The following WDR27 variants were observed in gnomAD, a reference collection of about 807,000 sequenced individuals.
WDR27 encodes the protein WD repeat-containing protein 27.
In WDR27, 100 loss-of-function variants were observed where a neutral mutation model predicts 114.4. That is an observed-to-expected ratio of 0.87 (90% CI 0.74 to 1.03). The LOEUF is 1.03. Ranked by LOEUF, WDR27 falls within the 50% of genes least tolerant of loss-of-function variation. The pLI, the probability that WDR27 is intolerant of heterozygous loss-of-function variation, is 0.00. For synonymous variants in WDR27, 449 were observed against 423.1 expected (o/e 1.06, Z -0.75); for missense variants, 1,129 against 1,092.9 (o/e 1.03, Z -0.47).
chr6:169,652,526 C>T (rs1460346824), intron 13 of WDR27, among the ~76,000 whole-genome samples: 1 of 152,218 alleles, frequency 6.6e-6, no homozygotes, highest in Admixed American at 6.5e-5. Context: ...GGATTACAGG[C>T]GTGAGCCACT....
At chr6:169,527,564 A>G (rs927440110) in intron 25 of WDR27, among the ~76,000 whole-genome samples, 3 of 152,238 alleles carry the variant, frequency 2.0e-5, no homozygotes, top group African/African-American at 7.2e-5. Context: ...TGGTTGCACA[A>G]TATATGAATA....
At chr6:169,690,641 T>C (rs1178783518) in intron 1 of WDR27, among the ~76,000 whole-genome samples, 4 of 152,188 alleles carry the variant, frequency 2.6e-5, no homozygotes, top group Admixed American at 6.5e-5. Context: ...GCCAGACTGA[T>C]AGGATGGAAT....
Position 169,593,069 on chromosome 6 carries a change from A to C in WDR27, c.2424+9150T>G, listed in dbSNP as rs1806067961. Among the ~76,000 whole-genome samples, 5 of 152,354 alleles carry C rather than the reference A, an allele frequency of 3.3e-5. No homozygotes were observed. In the South Asian group the frequency reaches 1.0e-3, roughly 32 times the overall value. The stretch of plus-strand genomic sequence containing the variant: ...TTCTATGTTCCTATTTAAGCTTTTC[A>C]ATTGATATTCATAAATGAAATATAA... On this transcript the variant is annotated intron_variant, in intron 23 of 25. Transcript: ENST00000448612.
At chr6:169,661,414 C>T (rs1413154901) in intron 9 of WDR27, among the ~76,000 whole-genome samples, 1 of 152,178 alleles carries the variant, frequency 6.6e-6, no homozygotes, top group Admixed American at 6.5e-5. Context: ...GAGAAGCCAT[C>T]TCCAGGGAGG....
rs1782443165 is a variant in WDR27, at chr6:169,684,645, C to T, written c.189+4172G>A. Among the ~76,000 whole-genome samples the T allele has an allele frequency of 1.3e-5, 2 of 152,208 alleles. No homozygotes were observed. The highest frequency in any genetic ancestry group is 2.9e-5 in the Non-Finnish European group (2 of 68,028). On this transcript the variant is annotated intron_variant, in intron 2 of 25. Transcript: ENST00000448612. This position sits in a 1 kb window ranked among gnomAD's most constrained non-coding sequence, Gnocchi z 4.3. ...TAAGCTGTGTGACTATGTCCTGGGA[C>T]TGAGAAGCAGTCCTGTGGGTTTCCC...
intron 24 of WDR27, among the ~76,000 whole-genome samples, chr6:169,581,752 G>A (rs756410837): frequency 2.3e-4 from 35 of 152,166 alleles, no homozygotes; most frequent in African/African-American, 6.8e-4. Context: ...CGGTAGTACC[G>A]CGTGTGCCAG....
At chr6:169,609,414 C>A (rs1250659972) in intron 22 of WDR27, among the ~76,000 whole-genome samples, 1 of 152,222 alleles carries the variant, frequency 6.6e-6, no homozygotes, top group African/African-American at 2.4e-5. Flanking sequence ...GAAATCTAGG[C>A]AGAGGATCCC....
At chr6:169,560,169 T>A (rs895344632) in intron 25 of WDR27, among the ~76,000 whole-genome samples, 1 of 152,116 alleles carries the variant, frequency 6.6e-6, no homozygotes, top group Non-Finnish European at 1.5e-5. Context: ...AGCCTGTCTT[T>A]CCCGTGCTGT....
At chr6:169,537,453 C>T (rs1796315300) in intron 25 of WDR27, among the ~76,000 whole-genome samples, 1 of 152,150 alleles carries the variant, frequency 6.6e-6, no homozygotes, top group African/African-American at 2.4e-5. Context: ...AAAATCTCTG[C>T]AAAACCATCC....
intron 22 of WDR27, among the ~76,000 whole-genome samples, chr6:169,605,755 A>T (rs1295765046): frequency 6.6e-6 from 1 of 152,188 alleles, no homozygotes; most frequent in Non-Finnish European, 1.5e-5. Context: ...CTGGTATAAA[A>T]ATAGACATAT....
intron 25 of WDR27, among the ~76,000 whole-genome samples, chr6:169,480,040 G>A (rs969752451): frequency 2.0e-5 from 3 of 152,224 alleles, no homozygotes; most frequent in Admixed American, 6.5e-5. Flanking sequence ...TGTGGAGGGA[G>A]AGGCGTGGGC....
At chr6:169,506,910 T>A (rs1792068014) in intron 25 of WDR27, among the ~76,000 whole-genome samples, 1 of 152,212 alleles carries the variant, frequency 6.6e-6, no homozygotes, top group Non-Finnish European at 1.5e-5. Context: ...GTACCTTTAT[T>A]AAATGCTAAA....
At chr6:169,506,198 T>C (rs995412298) in intron 25 of WDR27, among the ~76,000 whole-genome samples, 1 of 152,240 alleles carries the variant, frequency 6.6e-6, no homozygotes, top group Non-Finnish European at 1.5e-5. Flanking sequence ...TTTTTCATTT[T>C]ACTTTTGTTT....
intron 22 of WDR27, among the ~76,000 whole-genome samples, chr6:169,607,072 A>T (rs1330503179): frequency 1.3e-5 from 2 of 152,216 alleles, no homozygotes; most frequent in East Asian, 3.9e-4. Context: ...GCTATTACTA[A>T]AAAAGCAAAA....
chr6:169,558,086 T>A (rs1354060656), intron 25 of WDR27, among the ~76,000 whole-genome samples: 1 of 152,150 alleles, frequency 6.6e-6, no homozygotes, highest in African/African-American at 2.4e-5. Flanking sequence ...AACAAAAAGG[T>A]GTGCCCTGCA....
chr6:169,614,347 G>A (rs1362157991), intron 21 of WDR27, among the ~76,000 whole-genome samples: 1 of 152,106 alleles, frequency 6.6e-6, no homozygotes, highest in East Asian at 1.9e-4. Context: ...TCCTTCATTT[G>A]CAAACAGAAA....
chr6:169,632,905 A>G (rs763570571), intron 21 of WDR27, 42 bp downstream of exon 21: 47 of 1,549,306 alleles, frequency 3.0e-5, no homozygotes, highest in Non-Finnish European at 4.0e-5. Context: ...CTTTAAGCAC[A>G]TAGTTTTACA....
chr6:169,617,841 C>T (rs777481220), intron 21 of WDR27, among the ~76,000 whole-genome samples: 2 of 152,188 alleles, frequency 1.3e-5, no homozygotes, highest in Non-Finnish European at 2.9e-5. Flanking sequence ...CCAGTATTCG[C>T]GTTTACAAGC....
intron 24 of WDR27, among the ~76,000 whole-genome samples, chr6:169,580,946 T>TATAC (rs200025972): frequency 0.13 from 10,922 of 87,034 alleles, 1,319 homozygotes; most frequent in East Asian, 0.57. Context: ...TATATATATA[T>TATAC]ATATATACAT....
Sources: gnomAD v4.1 joint callset for allele counts (sites outside exome capture counted in the v4.1 genomes callset) on GRCh38, gnomAD v4.1.1 for gene constraint, Gnocchi (gnomAD v3.1) non-coding constraint, MANE v1.5 for transcripts, NCBI Gene and HGNC (gene_info 2026-07-23, HGNC 2026-07-21) for gene names.